Variants in CARMIL1 observed in about 807,000 individuals in gnomAD.
CARMIL1 encodes the protein capping protein regulator and myosin 1 linker 1.
A neutral mutation model predicts 177.1 loss-of-function variants in CARMIL1; 90 were observed. The ratio of observed to expected loss-of-function variants is 0.51; its 90% CI spans 0.43 to 0.61. The LOEUF is 0.61. Among genes scored for constraint, CARMIL1 ranks in the 20% least tolerant of loss-of-function variants. The pLI, the probability that CARMIL1 is intolerant of heterozygous loss-of-function variation, is 0.00. For missense variants in CARMIL1, 1,380 were observed against 1,667.0 expected (o/e 0.83, Z 3.00); for synonymous variants, 577 against 606.2 (o/e 0.95, Z 0.71).
intron 2 of CARMIL1, among the ~76,000 whole-genome samples, chr6:25,303,072 G>T (rs1212772688): frequency 6.6e-6 from 1 of 151,388 alleles, no homozygotes; most frequent in Admixed American, 6.6e-5. Context: ...TCATCATTTA[G>T]ATGAGAGAGA....
chr6:25,579,944 A>T (rs1056901262), intron 29 of CARMIL1, among the ~76,000 whole-genome samples: 2 of 152,202 alleles, frequency 1.3e-5, no homozygotes, highest in Non-Finnish European at 2.9e-5. Flanking sequence ...ATTAAATGAA[A>T]GTATGCAAAC....
chr6:25,433,561 A>G (rs1796990829), intron 4 of CARMIL1, among the ~76,000 whole-genome samples: 1 of 152,242 alleles, frequency 6.6e-6, no homozygotes, highest in South Asian at 2.1e-4. Context: ...CTCCAGGTAC[A>G]ATAATGCTTG....
chr6:25,601,025 C>T (rs1225187020), intron 33 of CARMIL1, among the ~76,000 whole-genome samples: 1 of 152,144 alleles, frequency 6.6e-6, no homozygotes, highest in African/African-American at 2.4e-5. Flanking sequence ...TCATCTCCCC[C>T]CATGTCCCCA....
At chr6:25,401,289 C>T (rs904054851) in intron 2 of CARMIL1, among the ~76,000 whole-genome samples, 30 of 152,048 alleles carry the variant, frequency 2.0e-4, no homozygotes, top group African/African-American at 7.2e-4. Flanking sequence ...CAAACACACA[C>T]ACACAAAATG....
chr6:25,615,007 A>G (rs1019359395), intron 36 of CARMIL1, among the ~76,000 whole-genome samples: 15 of 152,240 alleles, frequency 9.9e-5, no homozygotes, highest in African/African-American at 3.6e-4. Flanking sequence ...ACAGGCATTA[A>G]GAAGTAATTT....
chr6:25,535,863 T>G (rs1046182323), intron 24 of CARMIL1, among the ~76,000 whole-genome samples: 3 of 152,226 alleles, frequency 2.0e-5, no homozygotes, highest in African/African-American at 7.2e-5. Flanking sequence ...AAATGTGGTC[T>G]GCTGAGCTAT....
At chr6:25,521,263 G>A (rs918199159) in intron 23 of CARMIL1, among the ~76,000 whole-genome samples, 2 of 152,160 alleles carry the variant, frequency 1.3e-5, no homozygotes, top group Admixed American at 6.5e-5. Flanking sequence ...CAGCAGGCTT[G>A]GGGGGAAGCT....
intron 31 of CARMIL1, among the ~76,000 whole-genome samples, chr6:25,588,279 T>G (rs1284686313): frequency 6.6e-6 from 1 of 152,172 alleles, no homozygotes; most frequent in Non-Finnish European, 1.5e-5. Flanking sequence ...GAGATAAACC[T>G]TTACTATGTT....
Position 25,354,718 on chromosome 6 carries a change from C to T in CARMIL1, c.139-65396C>T, listed in dbSNP as rs754935267. Among the ~76,000 whole-genome samples, 21 of 152,204 alleles carry T rather than the reference C, an allele frequency of 1.4e-4. No individual in the cohort carries two copies. In the South Asian group the frequency reaches 2.9e-3, roughly 21 times the overall value. On this transcript the variant is annotated intron_variant, in intron 2 of 36. Coordinates refer to ENST00000329474, the MANE Select transcript of CARMIL1 (RefSeq NM_017640.6). Reference sequence around the variant, plus strand: ...CAAACACATTCCTGAGCTAATAGACCACAGAAACTTGAGTTGGGAAGGAAT... The same window carrying T: ...CAAACACATTCCTGAGCTAATAGACTACAGAAACTTGAGTTGGGAAGGAAT...
At chr6:25,298,561 T>C (rs545268215) in intron 2 of CARMIL1, among the ~76,000 whole-genome samples, 36 of 152,356 alleles carry the variant, frequency 2.4e-4, no homozygotes, top group Admixed American at 5.9e-4. Flanking sequence ...CTTGCTTTCA[T>C]TGCAGATCTG....
chr6:25,453,598 A>G (rs1799204693), intron 8 of CARMIL1, among the ~76,000 whole-genome samples: 1 of 152,242 alleles, frequency 6.6e-6, no homozygotes. Context: ...TTCTAAAATG[A>G]AATTGATGTT....
At chr6:25,339,604 T>C (rs556648612) in intron 2 of CARMIL1, among the ~76,000 whole-genome samples, 1 of 152,246 alleles carries the variant, frequency 6.6e-6, no homozygotes, top group East Asian at 1.9e-4. Flanking sequence ...TTAGGCAGAT[T>C]TGTGGTCTTT....
intron 17 of CARMIL1, among the ~76,000 whole-genome samples, chr6:25,501,570 G>A (rs1804335481): frequency 6.6e-6 from 1 of 152,142 alleles, no homozygotes; most frequent in African/African-American, 2.4e-5. Flanking sequence ...TGTCTGCCAA[G>A]TTTCTTCCCT....
chr6:25,389,059 G>A (rs1792478355), intron 2 of CARMIL1: 2 of 152,244 alleles, frequency 1.3e-5, no homozygotes, highest in Admixed American at 1.3e-4. Flanking sequence ...TACTGATGGG[G>A]ATTTCCTGCC....
chr6:25,536,601 C>G (rs1808327229), intron 24 of CARMIL1, among the ~76,000 whole-genome samples: 1 of 152,148 alleles, frequency 6.6e-6, no homozygotes, highest in East Asian at 1.9e-4. Context: ...GTCTTCATAA[C>G]ACACTAATAA....
intron 2 of CARMIL1, among the ~76,000 whole-genome samples, chr6:25,379,107 A>G (rs1791294405): frequency 1.3e-5 from 2 of 152,218 alleles, no homozygotes; most frequent in African/African-American, 4.8e-5. Flanking sequence ...GATTATTTTG[A>G]GACTTAAATA....
intron 4 of CARMIL1, among the ~76,000 whole-genome samples, chr6:25,430,242 T>G (rs1796628532): frequency 6.7e-6 from 1 of 149,746 alleles, no homozygotes; most frequent in African/African-American, 2.4e-5. Flanking sequence ...TTTTTTAACA[T>G]TTTTGGCTGG....
At chr6:25,427,925 G>T (rs933417355) in intron 4 of CARMIL1, among the ~76,000 whole-genome samples, 2 of 152,174 alleles carry the variant, frequency 1.3e-5, no homozygotes, top group South Asian at 2.1e-4. Context: ...ATACATTCTG[G>T]ATACAAAGCC....
At position 25,307,323 on chromosome 6, in the gene CARMIL1, A is replaced by G. The variant is rs575197404; in HGVS notation, c.138+22414A>G. ...TTTATATACTTACATTATGTCATGG[A>G]ACTTATTATTCGTGTTTCCTGAATG... On this transcript the variant is annotated intron_variant, in intron 2 of 36. Coordinates refer to ENST00000329474, the MANE Select transcript of CARMIL1 (RefSeq NM_017640.6). Among the ~76,000 whole-genome samples, 15 of 152,268 alleles carry G rather than the reference A, an allele frequency of 9.9e-5. No individual in the cohort carries two copies. In the East Asian group the frequency reaches 2.7e-3, roughly 27 times the overall value.
Sources: gnomAD v4.1 joint callset for allele counts (sites outside exome capture counted in the v4.1 genomes callset) on GRCh38, gnomAD v4.1.1 for gene constraint, MANE v1.5 for transcripts, NCBI Gene and HGNC (gene_info 2026-07-23, HGNC 2026-07-21) for gene names.